Variants in SARM1 observed in about 807,000 individuals in gnomAD.
The protein encoded by SARM1 is NAD(+) hydrolase SARM1.
In SARM1, 60 loss-of-function variants were observed where a neutral mutation model predicts 65.1. That is an observed-to-expected ratio of 0.92 (90% CI 0.75 to 1.14). The LOEUF is 1.14. SARM1 is among the 50% of genes most tolerant of loss of function. The pLI, the probability that SARM1 is intolerant of heterozygous loss-of-function variation, is 0.00. For missense variants in SARM1, 913 were observed against 1,015.7 expected (o/e 0.90, Z 1.37); for synonymous variants, 417 against 465.4 (o/e 0.90, Z 1.34).
chr17:28,381,217 G>A lies in SARM1; in HGVS notation c.485G>A (p.Arg162His). ...TCACTGGGCAGAGACCGCGTGGCGC[G>A]CATTGGGCTGGGCGTGATCCTGAAC... ...LVAENRDRVA[R>H]IGLGVILNLA... is the part of the protein sequence containing the mutation. The change falls in exon 2 of 9, where the codon CGC becomes CAC. Residue 162 changes from arginine to histidine, a missense_variant. By Grantham distance (29) the Arg-to-His change is conservative (BLOSUM62 0). Transcript: ENST00000585482. 2 of 1,604,168 alleles carry A rather than the reference G, an allele frequency of 1.2e-6. No homozygotes were observed. Among genetic ancestry groups the A allele is most frequent in the Non-Finnish European group, 1.7e-6 (2 of 1,175,634 alleles).
Position 28,399,360 on chromosome 17 carries a change from T to G in SARM1, c.*3074T>G. 5.1e-6 allele frequency: 2 copies of G among 395,142 alleles called. No homozygotes were observed. The highest frequency in any genetic ancestry group is 4.7e-6 in the Non-Finnish European group (1 of 212,654). 24.5% of individuals were successfully genotyped at this position (395,142 alleles called of 1,614,324 possible). ...CTCTCAGGACCTCTCCTCTGGCCTG[T>G]GGGGTTATAAGTGATGGATAGCAGA... On this transcript the variant is annotated 3_prime_UTR_variant, in exon 9 of 9. Transcript: ENST00000585482.
chr17:28,395,843 C>T (rs1555587680), intron 7 of SARM1, 62 bp from the exon 8 acceptor site: 3 of 1,599,546 alleles, frequency 1.9e-6, no homozygotes, highest in Non-Finnish European at 2.6e-6. Flanking sequence ...CAGCACCTGC[C>T]TGGCTACAAG....
chr17:28,394,938 C>T (rs1318216477), intron 7 of SARM1: 1 of 151,876 alleles, frequency 6.6e-6, no homozygotes, highest in Non-Finnish European at 1.5e-5. Context: ...ACTTTATTAC[C>T]CCCTGAGAAA....
rs1384111001 is a variant in SARM1, at chr17:28,371,886, C to T, written c.-147C>T. ...GACACTCCTCCCCCAAACTTCTGACCGGCACCCTTGCCTGGTACCCTTCTC... is the reference window on the plus strand; with the variant it reads ...GACACTCCTCCCCCAAACTTCTGACTGGCACCCTTGCCTGGTACCCTTCTC... On this transcript the variant is annotated 5_prime_UTR_variant, in exon 1 of 9. Transcript: ENST00000585482. The T allele has an allele frequency of 3.6e-6, 2 of 549,996 alleles. No homozygotes were observed. Among genetic ancestry groups the T allele is most frequent in the African/African-American group, 2.0e-5 (1 of 50,182 alleles). 34.1% of individuals were successfully genotyped at this position (549,996 alleles called of 1,614,324 possible). A position where few individuals can be genotyped will look rare whatever the true frequency, so the allele number is the denominator to read the frequency against.
chr17:28,372,134 TGGG>T lies in SARM1; in HGVS notation c.105_107del (p.Gly38del), dbSNP rs2067960075. 1 of 1,438,816 alleles carries T rather than the reference TGGG, an allele frequency of 7.0e-7. No homozygotes were observed. Among genetic ancestry groups the T allele is most frequent in the South Asian group, 1.4e-5 (1 of 71,812 alleles). The allele number at this position is 1,438,816 out of a possible 1,614,324, so 89.1% of individuals were successfully genotyped here. On this transcript the variant is annotated inframe_deletion, in exon 1 of 9. Coordinates refer to ENST00000585482, the MANE Select transcript of SARM1 (RefSeq NM_015077.4). This position sits in a 1 kb window ranked among gnomAD's most constrained non-coding sequence, Gnocchi z 5.2. ...AGCGGCTGGCGGTGCCTGGGCCAGA[TGGG>T]GGCGGTGGCACGGGCCCATGGTGGG...
intron 7 of SARM1, among the ~76,000 whole-genome samples, chr17:28,392,611 G>T (rs1312602020): frequency 6.6e-6 from 1 of 152,210 alleles, no homozygotes; most frequent in Non-Finnish European, 1.5e-5. Context: ...GACTCTCGAG[G>T]CTTGAGTCAG....
rs2068151683 is a variant in SARM1, at chr17:28,397,980, C to CAGTGCCA, written c.*1696_*1697insTGCCAAG. On this transcript the variant is annotated 3_prime_UTR_variant, in exon 9 of 9. Transcript: ENST00000585482. ...TCCTTCCTTCCACTCCCCTCCCTGC[C>CAGTGCCA]AGAGTCTGTCTTGGCCAGTGCCAGC... 2 of 152,682 alleles carry CAGTGCCA rather than the reference C, an allele frequency of 1.3e-5. No homozygotes were observed. Among genetic ancestry groups the CAGTGCCA allele is most frequent in the Admixed American group, 1.3e-4 (2 of 15,292 alleles). The allele number at this position is 152,682 out of a possible 1,614,324, so 9.5% of individuals were successfully genotyped here.
At chr17:28,393,585 AAAGAG>A (rs2068092474) in intron 7 of SARM1, among the ~76,000 whole-genome samples, 1 of 152,044 alleles carries the variant, frequency 6.6e-6, no homozygotes, top group Non-Finnish European at 1.5e-5. Context: ...GAAAGAAAGA[AAAGAG>A]AAAACAGAGA....
At chr17:28,383,257 C>T (rs1461615475) in intron 2 of SARM1, among the ~76,000 whole-genome samples, 1 of 152,116 alleles carries the variant, frequency 6.6e-6, no homozygotes, top group East Asian at 1.9e-4. Context: ...GCCTGTAATC[C>T]CAGCTACTCG....
At chr17:28,391,225 G>A (rs2068078178) in intron 7 of SARM1, among the ~76,000 whole-genome samples, 1 of 152,220 alleles carries the variant, frequency 6.6e-6, no homozygotes, top group Non-Finnish European at 1.5e-5. Flanking sequence ...AGTTTTGTTA[G>A]TTTGGTTGAT....
rs1169635512 is a variant in SARM1, at chr17:28,371,881, C to G, written c.-152C>G. ...CTGCCGACACTCCTCCCCCAAACTT[C>G]TGACCGGCACCCTTGCCTGGTACCC... On this transcript the variant is annotated 5_prime_UTR_variant, in exon 1 of 9. Transcript: ENST00000585482. The G allele has an allele frequency of 2.4e-5, 13 of 531,908 alleles. No individual in the cohort carries two copies. The highest frequency in any genetic ancestry group is 4.0e-5 in the Non-Finnish European group (13 of 322,064). The allele number at this position is 531,908 out of a possible 1,614,324, so 32.9% of individuals were successfully genotyped here.
At position 28,402,351 on chromosome 17, in the gene SARM1, A is replaced by G. The variant is rs1555589803; in HGVS notation, c.*6065A>G. The G allele has an allele frequency of 1.3e-6, 2 of 1,598,032 alleles. No individual in the cohort carries two copies. Among genetic ancestry groups the G allele is most frequent in the East Asian group, 2.2e-5 (1 of 44,712 alleles). On this transcript the variant is annotated 3_prime_UTR_variant, in exon 9 of 9. Transcript: ENST00000585482. ...GGAGAAACAAACACTCATCAGGAAA[A>G]TGGGGCTGGGGAGAGGGGCGTCCAA... is the stretch of plus-strand genomic sequence containing the variant.
Position 28,400,671 on chromosome 17 carries a change from T to C in SARM1, c.*4385T>C, listed in dbSNP as rs782188751. On this transcript the variant is annotated 3_prime_UTR_variant, in exon 9 of 9. Coordinates refer to ENST00000585482, the MANE Select transcript of SARM1 (RefSeq NM_015077.4). ...CCCAGGAGGAAGGGGAACCCCTTCA[T>C]AAAGTTCAGAGTGGCTGGGTAGAGT... is the stretch of plus-strand genomic sequence containing the variant. 4.5e-5 allele frequency: 72 copies of C among 1,613,404 alleles called. No homozygotes were observed. Among genetic ancestry groups the C allele is most frequent in the Non-Finnish European group, 5.9e-5 (70 of 1,179,794 alleles).
In SARM1 at chr17:28,399,956, T is replaced by G. The variant is rs1349530121; in HGVS notation, c.*3670T>G. 2 of 506,194 alleles carry G rather than the reference T, an allele frequency of 4.0e-6. No individual in the cohort carries two copies. Among genetic ancestry groups the G allele is most frequent in the Non-Finnish European group, 7.2e-6 (2 of 279,404 alleles). 31.4% of individuals were successfully genotyped at this position (506,194 alleles called of 1,614,324 possible). A position where few individuals can be genotyped will look rare whatever the true frequency, so the allele number is the denominator to read the frequency against. On this transcript the variant is annotated 3_prime_UTR_variant, in exon 9 of 9. Transcript: ENST00000585482. ...TTGTCCAGGCTGGAGGGCAGTGACA[T>G]AATCATAGCTCACTGTACCCTTGAA...
chr17:28,401,932 C>A lies in SARM1; in HGVS notation c.*5646C>A. The A allele has an allele frequency of 4.5e-6, 1 of 224,088 alleles. No individual in the cohort carries two copies. Among genetic ancestry groups the A allele is most frequent in the Non-Finnish European group, 8.8e-6 (1 of 113,904 alleles). 13.9% of individuals were successfully genotyped at this position (224,088 alleles called of 1,614,324 possible). A position where few individuals can be genotyped will look rare whatever the true frequency, so the allele number is the denominator to read the frequency against. ...GAGAAACAGGGAACTCTGGCATCAC[C>A]ACACCCATCTTACAGACGGAAAAGC... On this transcript the variant is annotated 3_prime_UTR_variant, in exon 9 of 9. Transcript: ENST00000585482.
rs1027658221 is a variant in SARM1, at chr17:28,396,228, A to T, written c.2117A>T (p.Asp706Val). The change falls in exon 9 of 9, where the codon GAC (aspartate) becomes GTC (valine). Residue 706 changes from aspartate (D) to valine (V), a missense_variant. Physicochemically the swap from Asp to Val is radical, Grantham distance 152 (BLOSUM62 -3). Transcript: ENST00000585482. ...TTCCTGCAGGGCCGCTCCTCCCGGG[A>T]CTCATCTGCAGGCTCTGACACCAGT... Reference protein sequence around the residue: ...IRFLQGRSSRDSSAGSDTSLE... With the variant: ...IRFLQGRSSRVSSAGSDTSLE... 5.6e-6 allele frequency: 9 copies of T among 1,613,684 alleles called. No homozygotes were observed. Among genetic ancestry groups the T allele is most frequent in the Non-Finnish European group, 7.6e-6 (9 of 1,179,806 alleles).
Position 28,385,326 on chromosome 17 carries a change from C to CA in SARM1, c.1630+51_1630+52insA. On this transcript the variant is annotated intron_variant, in intron 5 of 8. Coordinates refer to ENST00000585482, the MANE Select transcript of SARM1 (RefSeq NM_015077.4). The surrounding 1 kb of genome is among the most constrained non-coding windows in gnomAD (Gnocchi z 4.5). Reference sequence around the variant, plus strand: ...CCCCAGCCCCAGCCCCAGCCACGGCCCTGGAATGGTGAGGGGAGACACGGG... The same window carrying CA: ...CCCCAGCCCCAGCCCCAGCCACGGCCACTGGAATGGTGAGGGGAGACACGGG... The CA allele has an allele frequency of 7.2e-7, 1 of 1,384,574 alleles. No homozygotes were observed. Among genetic ancestry groups the CA allele is most frequent in the African/African-American group, 1.4e-5 (1 of 69,972 alleles). 85.8% of individuals were successfully genotyped at this position (1,384,574 alleles called of 1,614,324 possible). A position where few individuals can be genotyped will look rare whatever the true frequency, so the allele number is the denominator to read the frequency against.
At chr17:28,379,570 A>G (rs1292253035) in intron 1 of SARM1, among the ~76,000 whole-genome samples, 5 of 152,142 alleles carry the variant, frequency 3.3e-5, no homozygotes, top group South Asian at 2.1e-4. Flanking sequence ...TCGGCCTCCC[A>G]AAGTGCTGGG....
rs1555586343 is a variant in SARM1 at position 28,388,240 on chromosome 17, T to C, written c.1697T>C (p.Ile566Thr). 2 of 1,551,674 alleles carry C rather than the reference T, an allele frequency of 1.3e-6. No homozygotes were observed. The highest frequency in any genetic ancestry group is 1.7e-6 in the Non-Finnish European group (2 of 1,147,898). ...KPSGDTPDVF[I>T]SYRRNSGSQL... ...AGTGGGGACACTCCAGATGTCTTCA[T>C]CAGCTACCGCCGGAACTCAGGTTCC... Residue 566 changes from isoleucine (I) to threonine (T), a missense_variant, in exon 6 of 9, where the codon ATC (isoleucine) becomes ACC (threonine). This residue lies in a region of SARM1 where 862 missense variants were observed against 952.1 expected (regional missense o/e 0.91). Coordinates refer to ENST00000585482, the MANE Select transcript of SARM1 (RefSeq NM_015077.4).
Sources: allele counts gnomAD v4.1 joint callset (sites outside exome capture counted in the v4.1 genomes callset), GRCh38; gene constraint gnomAD v4.1.1; regional missense constraint gnomAD v4.1.1; non-coding constraint Gnocchi (gnomAD v3.1); transcripts MANE v1.5; gene names NCBI Gene and HGNC (gene_info 2026-07-23, HGNC 2026-07-21).